Variants in ADAMTSL1 observed in about 807,000 individuals in gnomAD.
The protein encoded by ADAMTSL1 is ADAMTS like 1.
Under a neutral mutation model 201.8 loss-of-function variants are expected in ADAMTSL1, and 126 were observed. The ratio of observed to expected loss-of-function variants is 0.62; its 90% CI spans 0.54 to 0.72. The LOEUF is 0.72. ADAMTSL1 is among the 30% of genes least tolerant of loss of function. ADAMTSL1 has a pLI of 0.00. For missense variants in ADAMTSL1, 2,679 were observed against 2,277.8 expected, an observed-to-expected ratio of 1.18 and a Z score of -3.59; for synonymous variants, 1,121 against 903.4, an observed-to-expected ratio of 1.24 and a Z score of -4.32.
intron 2 of ADAMTSL1, among the ~76,000 whole-genome samples, chr9:18,427,263 T>C (rs1819265764): frequency 6.6e-6 from 1 of 152,260 alleles, no homozygotes; most frequent in Admixed American, 6.5e-5. Context: ...TTTAGATTTG[T>C]ACTAATCGAC....
chr9:18,342,463 C>T (rs1036807575), intron 2 of ADAMTSL1, among the ~76,000 whole-genome samples: 1 of 152,064 alleles, frequency 6.6e-6, no homozygotes, highest in Non-Finnish European at 1.5e-5. Flanking sequence ...AGGGTCCACT[C>T]GTTTAGGAAA....
intron 1 of ADAMTSL1, among the ~76,000 whole-genome samples, chr9:18,107,321 C>T (rs1254244786): frequency 1.3e-5 from 2 of 152,158 alleles, no homozygotes; most frequent in Non-Finnish European, 2.9e-5. Context: ...ATGAATTTTG[C>T]AATTCCCAGG....
At position 18,635,851 on chromosome 9, in the gene ADAMTSL1, A is replaced by C. The variant is rs560423451; in HGVS notation, c.602-92A>C. 6.8e-6 allele frequency: 7 copies of C among 1,025,508 alleles called. No homozygotes were observed. The East Asian group carries it at 1.9e-4, about 27-fold the overall frequency. The allele number at this position is 1,025,508 out of a possible 1,614,324, so 63.5% of individuals were successfully genotyped here. ...AACACTTAAAAAAACTGTAGTTTTT[A>C]AGGTATGGAAGTCAGTGCCTTTATT... On this transcript the variant is annotated intron_variant, in intron 5 of 28. Coordinates refer to ENST00000380548, the MANE Select transcript of ADAMTSL1 (RefSeq NM_001040272.6).
intron 2 of ADAMTSL1, among the ~76,000 whole-genome samples, chr9:18,169,417 C>T (rs77807611): frequency 0.15 from 22,577 of 151,652 alleles, 1,877 homozygotes; most frequent in East Asian, 0.24. Context: ...GTCAGGTTTG[C>T]CAAAGATCAG....
chr9:18,442,837 G>A lies in ADAMTSL1; in HGVS notation c.208-61992G>A, dbSNP rs569813154. Among the ~76,000 whole-genome samples, 73 of 152,302 alleles carry A rather than the reference G, an allele frequency of 4.8e-4. 1 individual carries two copies. The highest frequency in any genetic ancestry group is 1.6e-3 in the African/African-American group (67 of 41,558). On this transcript the variant is annotated intron_variant, in intron 2 of 29. Transcript: ENST00000680146. ...CTAGTGGCCTGCAAGTCATTTGGTC[G>A]GTGCTGCCCTCCAAGGGAGAGCAGG...
Position 18,407,394 on chromosome 9 carries a change from T to C in ADAMTSL1, c.208-97435T>C, listed in dbSNP as rs147008737. ...TGAAGAACTGAGTTGCAAATAGAGA[T>C]TTGGGAATTCTCATCATAGAAGAAG... On this transcript the variant is annotated intron_variant, in intron 2 of 29. Coordinates refer to the ADAMTSL1 transcript ENST00000680146. 4.0e-3 allele frequency among the ~76,000 whole-genome samples: 605 copies of C among 152,276 alleles called. 2 individuals are homozygous for C. Among genetic ancestry groups the C allele is most frequent in the Non-Finnish European group, 6.9e-3 (469 of 68,022 alleles).
chr9:18,794,433 A>G (rs570348481), intron 19 of ADAMTSL1, among the ~76,000 whole-genome samples: 2 of 152,032 alleles, frequency 1.3e-5, no homozygotes, highest in East Asian at 3.9e-4. Context: ...CAAAAACAAA[A>G]AAAAACAAAC....
At chr9:18,531,857 G>A (rs1313326569) in intron 2 of ADAMTSL1, among the ~76,000 whole-genome samples, 1 of 152,120 alleles carries the variant, frequency 6.6e-6, no homozygotes, top group Admixed American at 6.5e-5. Context: ...TGTGAGTTCC[G>A]AAGCCAGATG....
At chr9:17,986,594 T>A (rs1818939185) in intron 1 of ADAMTSL1, among the ~76,000 whole-genome samples, 1 of 152,110 alleles carries the variant, frequency 6.6e-6, no homozygotes, top group Non-Finnish European at 1.5e-5. Flanking sequence ...AAGATTATAT[T>A]GAATTTTAAA....
chr9:17,945,163 A>G (rs1355280006), intron 1 of ADAMTSL1, among the ~76,000 whole-genome samples: 10 of 134,476 alleles, frequency 7.4e-5, no homozygotes, highest in Admixed American at 3.2e-4. Flanking sequence ...AAGGACATGA[A>G]CAGACACTTC....
chr9:18,602,291 A>G (rs1824713115), intron 4 of ADAMTSL1, among the ~76,000 whole-genome samples: 1 of 152,232 alleles, frequency 6.6e-6, no homozygotes, highest in African/African-American at 2.4e-5. Flanking sequence ...TCATACTAAA[A>G]TCTTTTTGCA....
chr9:18,447,758 C>G (rs538596477), intron 2 of ADAMTSL1, among the ~76,000 whole-genome samples: 60 of 152,354 alleles, frequency 3.9e-4, no homozygotes, highest in African/African-American at 1.4e-3. Flanking sequence ...TCCGGAGAGT[C>G]TCATAAGCCT....
chr9:17,922,308 C>T (rs562297988), intron 1 of ADAMTSL1, among the ~76,000 whole-genome samples: 37 of 152,142 alleles, frequency 2.4e-4, no homozygotes, highest in African/African-American at 4.3e-4. Flanking sequence ...GGCTGGAAGG[C>T]GTCTTAAGGA....
intron 1 of ADAMTSL1, among the ~76,000 whole-genome samples, chr9:18,494,004 T>C (rs1162701483): frequency 6.6e-6 from 1 of 152,208 alleles, no homozygotes; most frequent in Non-Finnish European, 1.5e-5. Flanking sequence ...CAAGTAACTA[T>C]ACTGGGTGGC....
At chr9:18,303,461 C>A (rs1833781683) in intron 2 of ADAMTSL1, among the ~76,000 whole-genome samples, 1 of 152,158 alleles carries the variant, frequency 6.6e-6, no homozygotes, top group African/African-American at 2.4e-5. Context: ...TTCCTTCTGG[C>A]AGCACAGGCA....
chr9:18,230,163 G>A (rs907371087), intron 2 of ADAMTSL1, among the ~76,000 whole-genome samples: 1 of 152,142 alleles, frequency 6.6e-6, no homozygotes, highest in African/African-American at 2.4e-5. Context: ...AAGCAGTACA[G>A]TAACCCAGAG....
chr9:17,974,244 A>G (rs1818345251), intron 1 of ADAMTSL1, among the ~76,000 whole-genome samples: 1 of 152,042 alleles, frequency 6.6e-6, no homozygotes, highest in African/African-American at 2.4e-5. Context: ...AGTTCTGGCC[A>G]GGGCAATCAG....
intron 8 of ADAMTSL1, 35 bp downstream of exon 8, chr9:18,657,785 T>C: frequency 6.5e-7 from 1 of 1,548,936 alleles, no homozygotes. Flanking sequence ...AACTGTTGGC[T>C]TCTGTGAGGA....
At chr9:18,899,417 T>C (rs1829867463) in intron 26 of ADAMTSL1, among the ~76,000 whole-genome samples, 1 of 152,190 alleles carries the variant, frequency 6.6e-6, no homozygotes, top group Admixed American at 6.5e-5. Flanking sequence ...AAACTACCAT[T>C]GACATTCATC....
Sources: gnomAD v4.1 joint callset for allele counts (sites outside exome capture counted in the v4.1 genomes callset) on GRCh38, gnomAD v4.1.1 for gene constraint, MANE v1.5 for transcripts, NCBI Gene and HGNC (gene_info 2026-07-23, HGNC 2026-07-21) for gene names.